TFB1M: variants seen among roughly 807,000 people sequenced by gnomAD.
TFB1M encodes the protein dimethyladenosine transferase 1, mitochondrial.
In TFB1M, 27 loss-of-function variants were observed where a neutral mutation model predicts 31.1. The ratio of observed to expected loss-of-function variants is 0.87; its 90% confidence interval spans 0.64 to 1.20. TFB1M has a LOEUF of 1.20. TFB1M is among the 50% of genes most tolerant of loss of function. TFB1M has a pLI of 0.00. For missense variants in TFB1M, 394 were observed against 418.7 expected (o/e 0.94, Z 0.51); for synonymous variants, 166 against 151.8 (o/e 1.09, Z -0.69).
At chr6:155,305,172 T>TTA (rs1218416957) in intron 2 of TFB1M, among the ~76,000 whole-genome samples, 1 of 91,608 alleles carries the variant, frequency 1.1e-5, no homozygotes, top group African/African-American at 4.8e-5. Flanking sequence ...AATTATATAT[T>TTA]TATATATATA....
chr6:155,281,599 G>A, intron 5 of TFB1M, among the ~76,000 whole-genome samples: 1 of 151,746 alleles, frequency 6.6e-6, no homozygotes, highest in South Asian at 2.1e-4. Flanking sequence ...GCGGGCGCCT[G>A]TAATCCCAGC....
chr6:155,250,682 C>A, the TFB1M span: 1 of 1,459,426 alleles, frequency 6.9e-7, no homozygotes, highest in Non-Finnish European at 9.3e-7. Context: ...CCTACATGTG[C>A]GTGCACTGGA....
chr6:155,262,920 TC>T (rs1263796015), intron 5 of TFB1M, among the ~76,000 whole-genome samples: 1 of 152,240 alleles, frequency 6.6e-6, no homozygotes, highest in Non-Finnish European at 1.5e-5. Flanking sequence ...AGCGTCGACT[TC>T]TAAAGTTTGA....
chr6:155,289,803 G>T (rs1206242867), intron 4 of TFB1M, among the ~76,000 whole-genome samples: 1 of 152,166 alleles, frequency 6.6e-6, no homozygotes, highest in Non-Finnish European at 1.5e-5. Context: ...GGAGGGGCCT[G>T]GTGAAAGGTG....
Position 155,257,914 on chromosome 6 carries a change from ATTATATGCAAAGAG to A in TFB1M, c.949_962del (p.Leu317PhefsTer13), listed in dbSNP as rs1277071108. The A allele has an allele frequency of 6.2e-7, 1 of 1,614,126 alleles. No individual in the cohort carries two copies. The highest frequency in any genetic ancestry group is 8.5e-7 in the Non-Finnish European group (1 of 1,180,016). On this transcript the variant is annotated frameshift_variant, in exon 7 of 7. Transcript: ENST00000367166. LOFTEE classifies it low-confidence loss of function (END_TRUNC). Reference sequence around the variant, plus strand: ...TTCTTCGCTTGAGTTCTTCTCTGAAATTATATGCAAAGAGTTGTGGGTCTTCATCACACATTTTT... The same window carrying A: ...TTCTTCGCTTGAGTTCTTCTCTGAAATTGTGGGTCTTCATCACACATTTTT...
intron 2 of TFB1M, among the ~76,000 whole-genome samples, chr6:155,304,651 G>C (rs1297807806): frequency 6.6e-6 from 1 of 151,876 alleles, no homozygotes. Flanking sequence ...AGAGAAAAAA[G>C]AACAAAGGTA....
At chr6:155,275,030 A>T (rs1178329568) in intron 5 of TFB1M, among the ~76,000 whole-genome samples, 3 of 152,106 alleles carry the variant, frequency 2.0e-5, no homozygotes, top group South Asian at 2.1e-4. Context: ...CATCCTGGCT[A>T]ACAGGGTGAA....
intron 5 of TFB1M, 22 bp from the exon 6 acceptor site, chr6:155,260,422 T>G: frequency 6.2e-7 from 1 of 1,614,148 alleles, no homozygotes; most frequent in Non-Finnish European, 8.5e-7. Context: ...GCAAACATAT[T>G]ATCATTCTGT....
At chr6:155,297,722 T>C (rs1354055473) in intron 3 of TFB1M, among the ~76,000 whole-genome samples, 2 of 152,196 alleles carry the variant, frequency 1.3e-5, no homozygotes, top group Non-Finnish European at 2.9e-5. Context: ...CGGAAGACTA[T>C]GGATTACAGT....
intron 2 of TFB1M, among the ~76,000 whole-genome samples, chr6:155,300,731 A>G (rs185744358): frequency 2.0e-3 from 305 of 152,334 alleles, no homozygotes; most frequent in Admixed American, 6.7e-3. Context: ...CCTGACAGGT[A>G]CAACTGTATA....
intron 2 of TFB1M, among the ~76,000 whole-genome samples, chr6:155,304,370 A>G (rs930247469): frequency 1.3e-5 from 2 of 152,200 alleles, no homozygotes; most frequent in Non-Finnish European, 2.9e-5. Context: ...AAACAACCAC[A>G]TAATTTAATG....
intron 2 of TFB1M, among the ~76,000 whole-genome samples, chr6:155,298,996 T>C (rs1204094007): frequency 2.6e-5 from 4 of 152,188 alleles, no homozygotes; most frequent in African/African-American, 4.8e-5. Context: ...TAACTAAATC[T>C]TTATAGCCTA....
At chr6:155,276,925 T>C (rs1423595238) in intron 5 of TFB1M, among the ~76,000 whole-genome samples, 1 of 152,258 alleles carries the variant, frequency 6.6e-6, no homozygotes, top group Non-Finnish European at 1.5e-5. Flanking sequence ...CCCATTTCTT[T>C]TTCATTTTAG....
At chr6:155,240,635 C>T in the TFB1M span, 12 of 1,614,044 alleles carry the variant, frequency 7.4e-6, no homozygotes, top group East Asian at 6.7e-5. Flanking sequence ...GTCTCTGGCC[C>T]GCCACCTGTC....
chr6:155,308,552 T>G (rs1462115712), intron 2 of TFB1M, among the ~76,000 whole-genome samples: 1 of 152,190 alleles, frequency 6.6e-6, no homozygotes, highest in Non-Finnish European at 1.5e-5. Context: ...AGTAGTAGAA[T>G]CTGAAGTTAA....
the TFB1M span, chr6:155,240,424 T>G: frequency 7.9e-7 from 1 of 1,259,780 alleles, no homozygotes; most frequent in Non-Finnish European, 1.1e-6. Context: ...GAGGCCCCTC[T>G]GAGATCCCTG....
At chr6:155,238,412 A>T in the TFB1M span, among the ~76,000 whole-genome samples, 1 of 152,208 alleles carries the variant, frequency 6.6e-6, no homozygotes, top group South Asian at 2.1e-4. Flanking sequence ...CCTGTTACCC[A>T]GCTCTGAAGT....
the TFB1M span, chr6:155,245,568 C>A: frequency 2.1e-6 from 3 of 1,429,914 alleles, no homozygotes; most frequent in Non-Finnish European, 3.0e-6. Flanking sequence ...ATGCCATAAG[C>A]CAGCACGCAT....
chr6:155,245,726 A>G, the TFB1M span: 3 of 1,544,176 alleles, frequency 1.9e-6, no homozygotes, highest in African/African-American at 4.2e-5. Flanking sequence ...AAGGTTCTGG[A>G]GCGAGGTAAG....
Sources: allele counts gnomAD v4.1 joint callset (sites outside exome capture counted in the v4.1 genomes callset), GRCh38; gene constraint gnomAD v4.1.1; transcripts MANE v1.5; gene names NCBI Gene and HGNC (gene_info 2026-07-23, HGNC 2026-07-21).